The following AUTS2 variants were observed in gnomAD, a reference collection of about 807,000 sequenced individuals.
AUTS2 encodes activator of transcription and developmental regulator AUTS2.
In AUTS2, 17 loss-of-function variants were observed where a neutral mutation model predicts 112.4. The ratio of observed to expected loss-of-function variants is 0.15; its 90% CI spans 0.10 to 0.23. The LOEUF (loss-of-function observed/expected upper bound fraction) is 0.23. AUTS2 is among the 10% of genes least tolerant of loss of function. The pLI, the probability that AUTS2 is intolerant of heterozygous loss-of-function variation, is 1.00. For synonymous variants in AUTS2, 751 were observed against 702.7 expected (o/e 1.07, Z -1.09); for missense variants, 1,510 against 1,701.6 (o/e 0.89, Z 1.98).
chr7:70,532,480 T>C (rs1002247613), intron 5 of AUTS2, among the ~76,000 whole-genome samples: 2 of 152,108 alleles, frequency 1.3e-5, no homozygotes, highest in Non-Finnish European at 2.9e-5. Flanking sequence ...AACCAAGGCC[T>C]ACCCAGAGCT....
intron 4 of AUTS2, among the ~76,000 whole-genome samples, chr7:70,366,287 C>A (rs1792565107): frequency 6.6e-6 from 1 of 151,900 alleles, no homozygotes; most frequent in Non-Finnish European, 1.5e-5. Flanking sequence ...CAAACATGAA[C>A]AAAATTGACA....
At chr7:70,162,145 G>T (rs751105503) in intron 4 of AUTS2, among the ~76,000 whole-genome samples, 23 of 152,032 alleles carry the variant, frequency 1.5e-4, no homozygotes, top group African/African-American at 3.9e-4. Context: ...ATTCTGGATA[G>T]ATTTAAGAAA....
chr7:70,696,877 T>A (rs575047876), intron 5 of AUTS2, among the ~76,000 whole-genome samples: 3 of 152,350 alleles, frequency 2.0e-5, no homozygotes, highest in Admixed American at 2.0e-4. Context: ...CAGGCTTTTT[T>A]TTCCCCTTCT....
chr7:70,181,033 A>C (rs949907143), intron 4 of AUTS2, among the ~76,000 whole-genome samples: 12 of 152,204 alleles, frequency 7.9e-5, no homozygotes, highest in Admixed American at 5.9e-4. Flanking sequence ...ACAAATATAT[A>C]GTATGCTTAT....
At chr7:70,409,263 T>G (rs1794673817) in intron 4 of AUTS2, among the ~76,000 whole-genome samples, 1 of 152,228 alleles carries the variant, frequency 6.6e-6, no homozygotes, top group Non-Finnish European at 1.5e-5. Flanking sequence ...TACGTAAGCA[T>G]GTAGGTACAT....
intron 5 of AUTS2, among the ~76,000 whole-genome samples, chr7:70,569,954 C>T (rs1801868740): frequency 6.6e-6 from 1 of 152,054 alleles, no homozygotes; most frequent in African/African-American, 2.4e-5. Flanking sequence ...AACTCTTCGG[C>T]AGCTAACGAA....
At chr7:69,908,115 C>A (rs1795217930) in intron 2 of AUTS2, among the ~76,000 whole-genome samples, 1 of 152,156 alleles carries the variant, frequency 6.6e-6, no homozygotes, top group Admixed American at 6.5e-5. Context: ...TTCCCTTGAA[C>A]ATTTCAGTGA....
At chr7:69,636,295 A>G (rs1042942366) in intron 1 of AUTS2, among the ~76,000 whole-genome samples, 16 of 152,142 alleles carry the variant, frequency 1.1e-4, no homozygotes, top group Admixed American at 2.0e-4. Context: ...CAGTAGAGCA[A>G]TCTCGGCTTA....
At chr7:70,557,358 C>T (rs1357517348) in intron 5 of AUTS2, among the ~76,000 whole-genome samples, 1 of 152,226 alleles carries the variant, frequency 6.6e-6, no homozygotes, top group Non-Finnish European at 1.5e-5. Flanking sequence ...TTTCAGCTGG[C>T]CAGTGCTCCC....
intron 4 of AUTS2, among the ~76,000 whole-genome samples, chr7:70,379,558 A>G (rs981539195): frequency 1.3e-5 from 2 of 152,082 alleles, no homozygotes; most frequent in Non-Finnish European, 2.9e-5. Context: ...GTGTCATTTC[A>G]GAGGACAGAA....
rs1302824090 is a variant in AUTS2, at chr7:70,425,605, C to A, written c.661-10147C>A. Among the ~76,000 whole-genome samples the A allele has an allele frequency of 2.0e-5, 3 of 152,302 alleles. No individual in the cohort carries two copies. In the South Asian group the frequency reaches 6.2e-4, roughly 32 times the overall value. ...ATTGTTGTTGAGCATCTTTGAGGGT[C>A]CTCAAGAATACACTAGACCCTGTGA... On this transcript the variant is annotated intron_variant, in intron 4 of 18. Coordinates refer to ENST00000342771, the MANE Select transcript of AUTS2 (RefSeq NM_015570.4).
At chr7:70,233,403 A>G (rs1812160059) in intron 4 of AUTS2, among the ~76,000 whole-genome samples, 1 of 152,154 alleles carries the variant, frequency 6.6e-6, no homozygotes. Flanking sequence ...TTTCCTATCT[A>G]TACTGTGGTT....
intron 5 of AUTS2, among the ~76,000 whole-genome samples, chr7:70,490,894 A>G (rs191053370): frequency 6.6e-6 from 1 of 152,342 alleles, no homozygotes; most frequent in African/African-American, 2.4e-5. Context: ...ATTAAGTCTG[A>G]ATATTCATGG....
chr7:70,118,399 T>C (rs1303754312), intron 3 of AUTS2, 166 bp downstream of exon 3: 1 of 822,706 alleles, frequency 1.2e-6, no homozygotes, highest in East Asian at 3.2e-5. Flanking sequence ...TATTTGAGCA[T>C]TGTAGTTATG....
chr7:70,206,709 G>T (rs959444922), intron 4 of AUTS2, among the ~76,000 whole-genome samples: 3 of 152,134 alleles, frequency 2.0e-5, no homozygotes, highest in Non-Finnish European at 4.4e-5. Context: ...GCCTCAAAAT[G>T]TAGTACTATC....
At chr7:69,904,407 G>A (rs1795078997) in intron 2 of AUTS2, among the ~76,000 whole-genome samples, 1 of 152,174 alleles carries the variant, frequency 6.6e-6, no homozygotes, top group South Asian at 2.1e-4. Context: ...CTGCTAATTA[G>A]TTTTGGATGG....
intron 2 of AUTS2, among the ~76,000 whole-genome samples, chr7:70,108,436 G>A (rs918940240): frequency 1.1e-4 from 16 of 152,036 alleles, no homozygotes; most frequent in Non-Finnish European, 2.4e-4. Flanking sequence ...ATACATGAAA[G>A]TAAAGATAAC....
At chr7:70,365,945 C>T (rs907461177) in intron 4 of AUTS2, among the ~76,000 whole-genome samples, 2 of 152,148 alleles carry the variant, frequency 1.3e-5, no homozygotes, top group African/African-American at 4.8e-5. Flanking sequence ...GCAGCACTGC[C>T]CAAAGAGCCA....
At chr7:70,268,270 C>T (rs927192980) in intron 4 of AUTS2, among the ~76,000 whole-genome samples, 2 of 152,100 alleles carry the variant, frequency 1.3e-5, no homozygotes, top group Non-Finnish European at 2.9e-5. Flanking sequence ...AAACTGTGTG[C>T]CTTTGACTAA....
Sources: allele counts gnomAD v4.1 joint callset (sites outside exome capture counted in the v4.1 genomes callset), GRCh38; gene constraint gnomAD v4.1.1; transcripts MANE v1.5; gene names NCBI Gene and HGNC (gene_info 2026-07-23, HGNC 2026-07-21).